TEKT5: variants seen among roughly 807,000 people sequenced by gnomAD.
TEKT5 encodes the protein tektin 5.
Under a neutral mutation model 48.7 loss-of-function variants are expected in TEKT5, and 52 were observed. The ratio of observed to expected loss-of-function variants is 1.07; its 90% CI spans 0.86 to 1.35. The LOEUF (loss-of-function observed/expected upper bound fraction) is 1.35. TEKT5 is among the 40% of genes most tolerant of loss of function. The probability of loss-of-function intolerance (pLI) is 0.00; values close to 1 mark genes in which losing one functional copy is unlikely to be tolerated. For synonymous variants in TEKT5, 318 were observed against 267.6 expected (o/e 1.19, Z -1.84); for missense variants, 831 against 641.6 (o/e 1.30, Z -3.19).
chr16:10,675,838 G>A, intron 5 of TEKT5, 121 bp downstream of exon 5: 3 of 948,656 alleles, frequency 3.2e-6, no homozygotes, highest in East Asian at 4.9e-5. Flanking sequence ...CAGACCTTGG[G>A]AGAGAGGGTA....
intron 5 of TEKT5, among the ~76,000 whole-genome samples, chr16:10,648,169 G>A (rs1194473981): frequency 6.6e-6 from 1 of 152,174 alleles, no homozygotes; most frequent in Non-Finnish European, 1.5e-5. Context: ...GTAAGCAGAG[G>A]AACAAGGGCA....
intron 5 of TEKT5, among the ~76,000 whole-genome samples, chr16:10,675,319 C>CA (rs2142300719): frequency 6.6e-6 from 1 of 152,286 alleles, no homozygotes; most frequent in East Asian, 1.9e-4. Flanking sequence ...CAGCATCTGG[C>CA]ACCCAGTGGG....
chr16:10,661,848 A>G (rs538216335), intron 5 of TEKT5, among the ~76,000 whole-genome samples: 3 of 152,168 alleles, frequency 2.0e-5, no homozygotes, highest in African/African-American at 2.4e-5. Flanking sequence ...TGTATAAAGA[A>G]GATGATAATA....
In TEKT5 at chr16:10,683,186, G is replaced by C. The variant is rs182977842; in HGVS notation, c.720-1050C>G. Among the ~76,000 whole-genome samples, 285 of 152,228 alleles carry C rather than the reference G, an allele frequency of 1.9e-3. 3 individuals carry two copies. In the Middle Eastern group the frequency reaches 0.034, roughly 18 times the overall value. On this transcript the variant is annotated intron_variant, in intron 3 of 6. Transcript: ENST00000283025. ...CACAATAAATAGGAGTAGACCTTAT[G>C]GGGGAATGAGAATTCCAAGCCGACA... is the stretch of plus-strand genomic sequence containing the variant.
At chr16:10,669,903 C>T (rs1898524512) in intron 5 of TEKT5, among the ~76,000 whole-genome samples, 1 of 152,162 alleles carries the variant, frequency 6.6e-6, no homozygotes, top group African/African-American at 2.4e-5. Context: ...GTCACCAGCT[C>T]CTTTGCTAGC....
intron 5 of TEKT5, among the ~76,000 whole-genome samples, chr16:10,654,522 A>G (rs1014482093): frequency 2.0e-5 from 3 of 152,206 alleles, no homozygotes; most frequent in African/African-American, 4.8e-5. Flanking sequence ...TGTCCAACGT[A>G]GGCAGGCATC....
chr16:10,634,925 C>T (rs1897892137), intron 6 of TEKT5, among the ~76,000 whole-genome samples: 1 of 152,150 alleles, frequency 6.6e-6, no homozygotes, highest in African/African-American at 2.4e-5. Flanking sequence ...CTGACATGTA[C>T]AACATAGCAA....
chr16:10,669,225 T>C (rs1488091418), intron 5 of TEKT5, among the ~76,000 whole-genome samples: 1 of 152,062 alleles, frequency 6.6e-6, no homozygotes, highest in Non-Finnish European at 1.5e-5. Flanking sequence ...CCTAGCACTT[T>C]GGGAGGCTGA....
intron 2 of TEKT5, 119 bp from the exon 3 acceptor site, chr16:10,689,442 G>A (rs754465691): frequency 3.5e-6 from 3 of 854,334 alleles, no homozygotes; most frequent in Non-Finnish European, 5.4e-6. Context: ...CCCAGGAGGT[G>A]AAATGTCAGC....
At chr16:10,689,050 T>A (rs1898916005) in intron 3 of TEKT5, among the ~76,000 whole-genome samples, 1 of 152,008 alleles carries the variant, frequency 6.6e-6, no homozygotes, top group African/African-American at 2.4e-5. Context: ...GTGGTAACAT[T>A]TACACCAGCG....
chr16:10,640,114 T>G, intron 5 of TEKT5, among the ~76,000 whole-genome samples: 2 of 87,432 alleles, frequency 2.3e-5, no homozygotes, highest in African/African-American at 6.0e-5. Context: ...TCCTCCCGTC[T>G]TCCTCCTCCC....
At chr16:10,631,504 C>T (rs2355219) in intron 6 of TEKT5, among the ~76,000 whole-genome samples, 62,605 of 151,700 alleles carry the variant, frequency 0.41, 15,541 homozygotes, top group African/African-American at 0.69. Context: ...TGGAGCGGAT[C>T]GGGTGGTGTT....
At chr16:10,646,552 G>C (rs1391447514) in intron 5 of TEKT5, among the ~76,000 whole-genome samples, 1 of 152,092 alleles carries the variant, frequency 6.6e-6, no homozygotes, top group Non-Finnish European at 1.5e-5. Context: ...GAATGAGGTT[G>C]GGCCCATAAC....
chr16:10,670,370 T>C (rs1475450082), intron 5 of TEKT5, among the ~76,000 whole-genome samples: 2 of 151,974 alleles, frequency 1.3e-5, no homozygotes, highest in African/African-American at 4.8e-5. Flanking sequence ...CTACTAAAAA[T>C]ACAAAAATTA....
intron 5 of TEKT5, among the ~76,000 whole-genome samples, chr16:10,636,373 C>CT (rs1438038921): frequency 1.9e-5 from 2 of 106,856 alleles, no homozygotes; most frequent in Non-Finnish European, 4.4e-5. Context: ...GAGACTTTGT[C>CT]TCAAAAAAAA....
chr16:10,633,930 G>C (rs1897876125), intron 6 of TEKT5, among the ~76,000 whole-genome samples: 1 of 152,094 alleles, frequency 6.6e-6, no homozygotes, highest in Non-Finnish European at 1.5e-5. Flanking sequence ...CGGTAACTGA[G>C]GCTGTGCAAA....
Position 10,671,337 on chromosome 16 carries a change from A to AT in TEKT5, c.1086+4621dup, listed in dbSNP as rs1362415939. Among the ~76,000 whole-genome samples, 4 of 152,256 alleles carry AT rather than the reference A, an allele frequency of 2.6e-5. No homozygotes were observed. In the East Asian group the frequency reaches 7.7e-4, roughly 29 times the overall value. On this transcript the variant is annotated intron_variant, in intron 5 of 6. Transcript: ENST00000283025. Reference sequence around the variant, plus strand: ...AACTACATTTGATCCACCGTATGAGATGCCTCATTAAAAGAAGATGCACAA... The same window carrying AT: ...AACTACATTTGATCCACCGTATGAGATTGCCTCATTAAAAGAAGATGCACAA...
chr16:10,686,244 C>T (rs940740043), intron 3 of TEKT5, among the ~76,000 whole-genome samples: 3 of 152,076 alleles, frequency 2.0e-5, no homozygotes, highest in East Asian at 3.9e-4. Context: ...AGGTACATGC[C>T]GAAGAATAAG....
intron 3 of TEKT5, among the ~76,000 whole-genome samples, chr16:10,684,488 C>T (rs375854692): frequency 2.6e-5 from 4 of 151,384 alleles, no homozygotes; most frequent in East Asian, 1.9e-4. Context: ...ACAGTGGTGG[C>T]GGTTCCCACC....
Sources: allele counts gnomAD v4.1 joint callset (sites outside exome capture counted in the v4.1 genomes callset), GRCh38; gene constraint gnomAD v4.1.1; transcripts MANE v1.5; gene names NCBI Gene and HGNC (gene_info 2026-07-23, HGNC 2026-07-21).